Variants in GMPR observed in about 807,000 individuals in gnomAD.
GMPR encodes the protein GMP reductase 1.
GMPR carries 31 observed loss-of-function variants against 38.4 expected under a neutral mutation model. That is an observed-to-expected ratio of 0.81 (90% confidence interval 0.61 to 1.09). The LOEUF is 1.09. Among genes scored for constraint, GMPR ranks in the 50% least tolerant of loss-of-function variants. The pLI is 0.00. For missense variants in GMPR, 468 were observed against 453.7 expected, an observed-to-expected ratio of 1.03 and a Z score of -0.29; for synonymous variants, 162 against 173.3, an observed-to-expected ratio of 0.93 and a Z score of 0.51.
chr6:16,243,350 GCT>G (rs1423045228), intron 1 of GMPR, among the ~76,000 whole-genome samples: 2 of 152,172 alleles, frequency 1.3e-5, no homozygotes, highest in Non-Finnish European at 2.9e-5. Context: ...GAACCCTGCG[GCT>G]CTCTGGTAGC....
intron 8 of GMPR, among the ~76,000 whole-genome samples, chr6:16,294,184 G>A (rs576787286): frequency 2.5e-4 from 38 of 152,216 alleles, no homozygotes; most frequent in Non-Finnish European, 5.3e-4. Flanking sequence ...TGTGAACGTT[G>A]CTATCCAAAG....
chr6:16,266,602 A>G (rs377602877), intron 4 of GMPR, among the ~76,000 whole-genome samples: 1 of 151,514 alleles, frequency 6.6e-6, no homozygotes, highest in East Asian at 2.0e-4. Context: ...GGAGATCATA[A>G]CCATCCTGGC....
At position 16,290,586 on chromosome 6, in the gene GMPR, C is replaced by T; in HGVS notation, c.822C>T (p.Ala274=). 1 of 1,614,196 alleles carries T rather than the reference C, an allele frequency of 6.2e-7. No homozygotes were observed. Among genetic ancestry groups the T allele is most frequent in the South Asian group, 1.1e-5 (1 of 91,080 alleles). The change falls in exon 8 of 9, where the codon GCC becomes GCT. Residue 274 remains alanine (A), a synonymous_variant. Coordinates refer to ENST00000259727, the MANE Select transcript of GMPR (RefSeq NM_006877.4). ...TCTACGGGATGAGCTCTGACACCGC[C>T]ATGAACAAGCACGCAGGAGGAGTTG... The part of the protein sequence containing the change: ...KLFYGMSSDT[A]MNKHAGGVAE...
intron 4 of GMPR, among the ~76,000 whole-genome samples, chr6:16,271,347 G>A (rs560682591): frequency 8.3e-4 from 126 of 152,276 alleles, no homozygotes; most frequent in African/African-American, 2.7e-3. Flanking sequence ...TTAGCTAGGC[G>A]TGGTGGCACA....
At chr6:16,255,120 T>G (rs1167117732) in intron 4 of GMPR, among the ~76,000 whole-genome samples, 1 of 152,066 alleles carries the variant, frequency 6.6e-6, no homozygotes, top group Non-Finnish European at 1.5e-5. Context: ...CAAAAGATTC[T>G]TGTACCTCAG....
intron 4 of GMPR, among the ~76,000 whole-genome samples, chr6:16,266,662 T>A (rs1388837085): frequency 1.3e-5 from 2 of 150,816 alleles, no homozygotes; most frequent in Non-Finnish European, 3.0e-5. Flanking sequence ...AAAGAAAAAA[T>A]TAGCCGGGCG....
chr6:16,250,903 G>A (rs1758860937), intron 3 of GMPR, among the ~76,000 whole-genome samples: 3 of 151,990 alleles, frequency 2.0e-5, no homozygotes, highest in South Asian at 4.2e-4. Flanking sequence ...AATAAATGTT[G>A]TTGAGGATGT....
At chr6:16,253,942 G>A (rs1013607336) in intron 3 of GMPR, among the ~76,000 whole-genome samples, 1 of 151,786 alleles carries the variant, frequency 6.6e-6, no homozygotes, top group Non-Finnish European at 1.5e-5. Context: ...GGCGGGGTGG[G>A]GTTTGGCGGA....
intron 7 of GMPR, among the ~76,000 whole-genome samples, chr6:16,287,444 T>C (rs923019330): frequency 6.6e-6 from 1 of 152,178 alleles, no homozygotes; most frequent in Non-Finnish European, 1.5e-5. Context: ...CTCAGTCTCC[T>C]TTGGGTGCCA....
chr6:16,264,172 C>T (rs770987113), intron 4 of GMPR, among the ~76,000 whole-genome samples: 11 of 151,890 alleles, frequency 7.2e-5, no homozygotes, highest in South Asian at 2.1e-4. Context: ...TGACCGGCGC[C>T]GGAGTTTTGA....
chr6:16,271,544 T>C (rs1051873089), intron 4 of GMPR, among the ~76,000 whole-genome samples: 10 of 152,192 alleles, frequency 6.6e-5, no homozygotes, highest in Admixed American at 2.0e-4. Context: ...TCTAAAGTTT[T>C]TGTGGTTTTG....
At chr6:16,248,213 G>T (rs1323319558) in intron 2 of GMPR, among the ~76,000 whole-genome samples, 1 of 96,674 alleles carries the variant, frequency 1.0e-5, no homozygotes, top group Non-Finnish European at 1.8e-5. Context: ...CTGGGTGACA[G>T]AGCAAGAAGA....
In GMPR at chr6:16,244,445, C is replaced by A. The variant is rs192305882; in HGVS notation, c.88-2397C>A. On this transcript the variant is annotated intron_variant, in intron 1 of 8. Transcript: ENST00000259727. ...GCCCAGGCTGGTCTTGAACTGAGCT[C>A]AAGCAATCTGCCTGCCTCAGCCTCC... Among the ~76,000 whole-genome samples the A allele has an allele frequency of 2.9e-3, 433 of 151,582 alleles. 2 individuals are homozygous for A. The highest frequency in any genetic ancestry group is 0.01 in the African/African-American group (416 of 41,490).
intron 7 of GMPR, among the ~76,000 whole-genome samples, chr6:16,286,471 A>G (rs1407369660): frequency 6.6e-6 from 1 of 151,960 alleles, no homozygotes; most frequent in African/African-American, 2.4e-5. Flanking sequence ...TGGGCTCCAG[A>G]ATGTGAAATG....
chr6:16,247,671 G>A (rs573216472), intron 2 of GMPR, among the ~76,000 whole-genome samples: 25 of 152,204 alleles, frequency 1.6e-4, no homozygotes, highest in African/African-American at 5.3e-4. Context: ...TACCATGCCC[G>A]GCCTGTATCT....
intron 4 of GMPR, among the ~76,000 whole-genome samples, chr6:16,269,961 CCTCT>C (rs1759349236): frequency 6.6e-6 from 1 of 152,178 alleles, no homozygotes; most frequent in Non-Finnish European, 1.5e-5. Context: ...CTCTCTCAGT[CCTCT>C]CTTAGACGGC....
intron 4 of GMPR, among the ~76,000 whole-genome samples, chr6:16,267,200 A>G (rs1213013116): frequency 6.6e-6 from 1 of 152,034 alleles, no homozygotes; most frequent in Non-Finnish European, 1.5e-5. Context: ...TATCTCTACT[A>G]AAAGTACAAA....
rs544636136 is a variant in GMPR at position 16,249,208 on chromosome 6, T to C, written c.208-1076T>C. On this transcript the variant is annotated intron_variant, in intron 2 of 8. Coordinates refer to ENST00000259727, the MANE Select transcript of GMPR (RefSeq NM_006877.4). ...TTTTTTTGAGATGGAGTTTCACTCT[T>C]GTTGCCCAGGCTGGAGTGCAATGGC... Among the ~76,000 whole-genome samples, 4 of 150,250 alleles carry C rather than the reference T, an allele frequency of 2.7e-5. No individual in the cohort carries two copies. In the East Asian group the frequency reaches 7.9e-4, roughly 30 times the overall value.
In GMPR at chr6:16,238,662, T is replaced by TCGCCGCCGC. The variant is rs755887221; in HGVS notation, c.-28_-20dup. Reference sequence around the variant, plus strand: ...CCGCGCAGGCGCCCCCGCCCCGCCGTCGCCGCCGCCGCAGCCAGGAGCCGC... The same window carrying TCGCCGCCGC: ...CCGCGCAGGCGCCCCCGCCCCGCCGTCGCCGCCGCCGCCGCCGCCGCAGCCAGGAGCCGC... On this transcript the variant is annotated 5_prime_UTR_variant, in exon 1 of 9. Coordinates refer to ENST00000259727, the MANE Select transcript of GMPR (RefSeq NM_006877.4). The TCGCCGCCGC allele has an allele frequency of 8.6e-7, 1 of 1,167,552 alleles. No individual in the cohort carries two copies. The highest frequency in any genetic ancestry group is 1.1e-6 in the Non-Finnish European group (1 of 906,024). The allele number at this position is 1,167,552 out of a possible 1,614,324, so 72.3% of individuals were successfully genotyped here.
Sources: gnomAD v4.1 joint callset for allele counts (sites outside exome capture counted in the v4.1 genomes callset) on GRCh38, gnomAD v4.1.1 for gene constraint, MANE v1.5 for transcripts, NCBI Gene and HGNC (gene_info 2026-07-23, HGNC 2026-07-21) for gene names.